Variants in CALN1 observed in about 807,000 individuals in gnomAD.
CALN1 encodes the protein calcium-binding protein 8.
CALN1 carries 17 observed loss-of-function variants against 30.6 expected under a neutral mutation model. The observed-to-expected ratio is 0.56, with a 90% CI of 0.38 to 0.83. CALN1 has a LOEUF of 0.83. Ranked by LOEUF, CALN1 falls within the 40% of genes least tolerant of loss-of-function variation. The pLI is 0.00. For missense variants in CALN1, 291 were observed against 354.9 expected (o/e 0.82, Z 1.45); for synonymous variants, 156 against 131.4 (o/e 1.19, Z -1.28).
chr7:71,801,620 A>C (rs561203713), intron 6 of CALN1, among the ~76,000 whole-genome samples: 2 of 152,046 alleles, frequency 1.3e-5, no homozygotes, highest in Non-Finnish European at 2.9e-5. Flanking sequence ...GGCCATGCAG[A>C]GGGGTCAATG....
chr7:72,328,099 C>T (rs1801407443), intron 2 of CALN1, among the ~76,000 whole-genome samples: 1 of 145,984 alleles, frequency 6.9e-6, no homozygotes, highest in African/African-American at 2.7e-5. Flanking sequence ...TTCTGTATAG[C>T]TTTTAATTTC....
chr7:72,203,130 G>A (rs1791557177), intron 3 of CALN1, among the ~76,000 whole-genome samples: 1 of 152,012 alleles, frequency 6.6e-6, no homozygotes. Flanking sequence ...AGTGGGAGCT[G>A]AACAATGAGA....
At chr7:72,283,095 A>C (rs961613383) in intron 2 of CALN1, among the ~76,000 whole-genome samples, 2 of 151,804 alleles carry the variant, frequency 1.3e-5, no homozygotes, top group African/African-American at 4.8e-5. Context: ...CTAGTCAAAA[A>C]CAGTGTTAGA....
chr7:72,301,125 A>C (rs976138350), intron 2 of CALN1, among the ~76,000 whole-genome samples: 1 of 152,248 alleles, frequency 6.6e-6, no homozygotes, highest in African/African-American at 2.4e-5. Flanking sequence ...GGCAGACAGA[A>C]GCCAGGCTGA....
intron 5 of CALN1, among the ~76,000 whole-genome samples, chr7:71,834,253 ACTAGTT>A (rs1789472786): frequency 5.6e-5 from 8 of 142,238 alleles, no homozygotes; most frequent in East Asian, 2.3e-4. Context: ...ACAAAAAAAA[ACTAGTT>A]AAATTAAATT....
chr7:72,083,027 C>G (rs1805250778), intron 4 of CALN1, among the ~76,000 whole-genome samples: 1 of 151,656 alleles, frequency 6.6e-6, no homozygotes, highest in Non-Finnish European at 1.5e-5. Flanking sequence ...TTGGCGAAAC[C>G]CTGTCTCTAT....
rs1383103410 is a variant in CALN1 at position 71,781,836 on chromosome 7, G to A, written c.*5939C>T. 1 of 152,234 alleles carries A rather than the reference G, an allele frequency of 6.6e-6. No homozygotes were observed. Among genetic ancestry groups the A allele is most frequent in the Non-Finnish European group, 1.5e-5 (1 of 68,052 alleles). The allele number at this position is 152,234 out of a possible 1,614,324, so 9.4% of individuals were successfully genotyped here. ...GAACTACCCCAAGGTCAGGGTAGGGGCAGGTGGCCGGGCAAGCTTTTCCAC... is the reference window on the plus strand; with the variant it reads ...GAACTACCCCAAGGTCAGGGTAGGGACAGGTGGCCGGGCAAGCTTTTCCAC... On this transcript the variant is annotated 3_prime_UTR_variant, in exon 7 of 7. Coordinates refer to ENST00000395275, the MANE Select transcript of CALN1 (RefSeq NM_031468.4).
At chr7:71,803,940 ATG>A (rs1292736388) in intron 6 of CALN1, among the ~76,000 whole-genome samples, 7 of 64,172 alleles carry the variant, frequency 1.1e-4, no homozygotes, top group Admixed American at 8.9e-4. Flanking sequence ...GTATTTGTGT[ATG>A]TGTGTGCGTG....
At chr7:72,123,493 CTT>C (rs1808533525) in intron 3 of CALN1, among the ~76,000 whole-genome samples, 1 of 152,178 alleles carries the variant, frequency 6.6e-6, no homozygotes, top group Non-Finnish European at 1.5e-5. Flanking sequence ...CGCGCCATGT[CTT>C]GTTTCTAATT....
chr7:71,971,220 G>A (rs1489769444), intron 5 of CALN1, among the ~76,000 whole-genome samples: 5 of 152,104 alleles, frequency 3.3e-5, no homozygotes, highest in Non-Finnish European at 2.9e-5. Context: ...AGGCCAAGGC[G>A]GGCAAATCAC....
At chr7:72,311,142 G>T (rs779291909) in intron 2 of CALN1, among the ~76,000 whole-genome samples, 16 of 151,828 alleles carry the variant, frequency 1.1e-4, no homozygotes, top group Non-Finnish European at 2.2e-4. Context: ...TCTACTCAAC[G>T]CAAAGATGAT....
chr7:72,207,937 C>T (rs1792012018), intron 3 of CALN1, among the ~76,000 whole-genome samples: 1 of 152,056 alleles, frequency 6.6e-6, no homozygotes, highest in Admixed American at 6.6e-5. Flanking sequence ...AACAGCAAAA[C>T]TTTTTTACAA....
At chr7:72,297,080 C>G (rs549311879) in intron 2 of CALN1, among the ~76,000 whole-genome samples, 1 of 152,088 alleles carries the variant, frequency 6.6e-6, no homozygotes, top group Admixed American at 6.6e-5. Flanking sequence ...ATAAATTTCC[C>G]TCTACACACT....
chr7:71,851,394 T>G (rs1790638891), intron 5 of CALN1, among the ~76,000 whole-genome samples: 1 of 151,490 alleles, frequency 6.6e-6, no homozygotes, highest in South Asian at 2.1e-4. Context: ...TGGTGGGTGC[T>G]TGTGATCCCA....
rs113229295 is a variant in CALN1, at chr7:72,259,098, T to TTA, written c.244+19586_244+19587dup. 5.6e-3 allele frequency among the ~76,000 whole-genome samples: 825 copies of TTA among 147,710 alleles called. 4 individuals carry two copies. Among genetic ancestry groups the TTA allele is most frequent in the Middle Eastern group, 0.045 (13 of 286 alleles). ...TCCATTTCAATTTAAAATATATTAT[T>TTA]TATATATATATATATGTATGCATCA... On this transcript the variant is annotated intron_variant, in intron 3 of 6. Coordinates refer to ENST00000395275, the MANE Select transcript of CALN1 (RefSeq NM_031468.4).
chr7:72,135,226 T>C (rs1269720697), intron 3 of CALN1, among the ~76,000 whole-genome samples: 1 of 152,228 alleles, frequency 6.6e-6, no homozygotes, highest in Non-Finnish European at 1.5e-5. Context: ...TGTTGATATT[T>C]TGGCCTCCTC....
chr7:72,345,018 C>G (rs1802563632), intron 2 of CALN1, among the ~76,000 whole-genome samples: 2 of 146,724 alleles, frequency 1.4e-5, no homozygotes, highest in South Asian at 2.1e-4. Context: ...TATATATGTA[C>G]AATATAATGG....
intron 2 of CALN1, among the ~76,000 whole-genome samples, chr7:72,360,547 G>A (rs1445675754): frequency 6.6e-6 from 1 of 151,526 alleles, no homozygotes; most frequent in Non-Finnish European, 1.5e-5. Flanking sequence ...CCTTGGAGGG[G>A]TGGAATGAAA....
chr7:71,832,896 A>G (rs1396202832), intron 5 of CALN1, among the ~76,000 whole-genome samples: 2 of 151,580 alleles, frequency 1.3e-5, no homozygotes, highest in African/African-American at 4.8e-5. Flanking sequence ...GTGAGCCGCC[A>G]TGCTCGCCCA....
Sources: allele counts gnomAD v4.1 joint callset (sites outside exome capture counted in the v4.1 genomes callset), GRCh38; gene constraint gnomAD v4.1.1; transcripts MANE v1.5; gene names NCBI Gene and HGNC (gene_info 2026-07-23, HGNC 2026-07-21).